The following REEP2 variants were observed in gnomAD, a reference collection of about 807,000 sequenced individuals.
The protein encoded by REEP2 is receptor accessory protein 2.
In REEP2, 9 loss-of-function variants were observed where a neutral mutation model predicts 32.1. That is an observed-to-expected ratio of 0.28 (90% confidence interval 0.17 to 0.49). The LOEUF is 0.49. Among genes scored for constraint, REEP2 ranks in the 20% least tolerant of loss-of-function variants. REEP2 has a pLI of 0.99. For missense variants in REEP2, 236 were observed against 338.0 expected (o/e 0.70, Z 2.37); for synonymous variants, 128 against 139.1 (o/e 0.92, Z 0.56).
chr5:138,439,721 C>T (rs1448103419), intron 1 of REEP2: 1 of 456,900 alleles, frequency 2.2e-6, no homozygotes, highest in Admixed American at 2.3e-5. Context: ...CTCTCCCTTC[C>T]ACTCACTGTC....
At chr5:138,440,942 G>A (rs1763812122) in intron 1 of REEP2, 74 bp from the exon 2 acceptor site, 1 of 1,602,050 alleles carries the variant, frequency 6.2e-7, no homozygotes, top group Non-Finnish European at 8.5e-7. Flanking sequence ...CTTACCCAGG[G>A]GCTGATGCGG....
chr5:138,446,741 G>C lies in REEP2; in HGVS notation c.*990G>C, dbSNP rs1763942338. The C allele has an allele frequency of 6.6e-6, 1 of 152,626 alleles. No homozygotes were observed. The highest frequency in any genetic ancestry group is 2.4e-5 in the African/African-American group (1 of 41,444). 9.5% of individuals were successfully genotyped at this position (152,626 alleles called of 1,614,324 possible). ...CTGGGGTCCATCCCCTCTTGCCCAGGGTCCCCATCCTGTACCAAGCAGACT... is the reference window on the plus strand; with the variant it reads ...CTGGGGTCCATCCCCTCTTGCCCAGCGTCCCCATCCTGTACCAAGCAGACT... On this transcript the variant is annotated 3_prime_UTR_variant, in exon 8 of 8. Transcript: ENST00000378339.
chr5:138,439,461 CTTTA>C (rs1043824662), intron 1 of REEP2, among the ~76,000 whole-genome samples: 5 of 152,164 alleles, frequency 3.3e-5, no homozygotes, highest in African/African-American at 1.2e-4. Context: ...CACCCACATT[CTTTA>C]TTAATAACCT....
Position 138,441,488 on chromosome 5 carries a change from C to T in REEP2, c.182+27C>T. 2 of 1,600,660 alleles carry T rather than the reference C, an allele frequency of 1.2e-6. No homozygotes were observed. Among genetic ancestry groups the T allele is most frequent in the Non-Finnish European group, 1.7e-6 (2 of 1,167,720 alleles). On this transcript the variant is annotated intron_variant, in intron 3 of 7. Transcript: ENST00000378339. The surrounding 1 kb of genome is among the most constrained non-coding windows in gnomAD (Gnocchi z 4.4). The stretch of plus-strand genomic sequence containing the variant: ...TGAGGTCCAGCGTCCCCTCCTGTAT[C>T]TCAGGGCCCAGGGCCTCTGCCTTTC...
Position 138,445,714 on chromosome 5 carries a change from C to T in REEP2, c.728C>T (p.Pro243Leu). 1 of 1,614,120 alleles carries T rather than the reference C, an allele frequency of 6.2e-7. No homozygotes were observed. The highest frequency in any genetic ancestry group is 8.5e-7 in the Non-Finnish European group (1 of 1,180,018). ...GCTTCCAAGACACTGAAGACCCGGC[C>T]CAAGAAGAAGACCTCTGGCGGGGGC... ...PLASKTLKTR[P>L]KKKTSGGGDS... Residue 243 changes from proline to leucine, a missense_variant, in exon 8 of 8, where the codon CCC becomes CTC. Transcript: ENST00000378339.
Position 138,444,762 on chromosome 5 carries a change from C to G in REEP2, c.312C>G (p.Asp104Glu), listed in dbSNP as rs141749729. Residue 104 changes from aspartate (D) to glutamate (E), a missense_variant, in exon 5 of 8, where the codon GAC becomes GAG. Asp to Glu is a conservative substitution (Grantham distance 45, BLOSUM62 2). Coordinates refer to ENST00000378339, the MANE Select transcript of REEP2 (RefSeq NM_001271803.2). ...PTLSNKEKEI[D>E]EYITQARDKS... ...CCCCTCCAATCCCATAGGAGATCGA[C>G]GAGTACATCACGCAGGCCCGAGACA... 1.9e-6 allele frequency: 3 copies of G among 1,613,822 alleles called. No individual in the cohort carries two copies. The highest frequency in any genetic ancestry group is 2.5e-6 in the Non-Finnish European group (3 of 1,179,752).
rs1362070734 is a variant in REEP2 at position 138,444,069 on chromosome 5, T to G, written c.183-346T>G. Among the ~76,000 whole-genome samples, 9 of 151,944 alleles carry G rather than the reference T, an allele frequency of 5.9e-5. 1 individual carries two copies. The highest frequency in any genetic ancestry group is 3.9e-4 in the Admixed American group (6 of 15,248). Reference sequence around the variant, plus strand: ...AAGGGAAGGAGTGAAGACCCAGGTGTAGGCCTGCACAGTCAAGAGTTTCCC... The same window carrying G: ...AAGGGAAGGAGTGAAGACCCAGGTGGAGGCCTGCACAGTCAAGAGTTTCCC... On this transcript the variant is annotated intron_variant, in intron 3 of 7. Coordinates refer to ENST00000378339, the MANE Select transcript of REEP2 (RefSeq NM_001271803.2).
intron 6 of REEP2, 32 bp downstream of exon 6, chr5:138,445,407 C>T: frequency 6.2e-7 from 1 of 1,612,580 alleles, no homozygotes; most frequent in Non-Finnish European, 8.5e-7. Context: ...GGGGTGGGGC[C>T]CCAAGGGCAA....
chr5:138,439,780 G>T, intron 1 of REEP2: 1 of 455,986 alleles, frequency 2.2e-6, no homozygotes, highest in South Asian at 1.5e-5. Context: ...TAGGGAGGAA[G>T]TCTGGGTATC....
In REEP2 at chr5:138,439,392, C is replaced by T. The variant is rs1859466; in HGVS notation, c.32+152C>T. ...CCCCCAGAGACATGGAGATGTGGCA[C>T]CCAGGACTGGAGGGGGGAATATTAG... On this transcript the variant is annotated intron_variant, in intron 1 of 7. Transcript: ENST00000378339. The T allele has an allele frequency of 0.21, 151,836 of 729,952 alleles. 19,119 individuals carry two copies. Among genetic ancestry groups the T allele is most frequent in the East Asian group, 0.51 (17,885 of 34,878 alleles). The allele number at this position is 729,952 out of a possible 1,614,324, so 45.2% of individuals were successfully genotyped here.
At chr5:138,440,496 C>T (rs1246924318) in intron 1 of REEP2, among the ~76,000 whole-genome samples, 1 of 152,206 alleles carries the variant, frequency 6.6e-6, no homozygotes, top group East Asian at 1.9e-4. Context: ...CTCTTTGCCT[C>T]TCTCAGGGCC....
At position 138,446,751 on chromosome 5, in the gene REEP2, C is replaced by G. The variant is rs1763942716; in HGVS notation, c.*1000C>G. ...TCCCCTCTTGCCCAGGGTCCCCATC[C>G]TGTACCAAGCAGACTGGGCCCTAAG... On this transcript the variant is annotated 3_prime_UTR_variant, in exon 8 of 8. Coordinates refer to ENST00000378339, the MANE Select transcript of REEP2 (RefSeq NM_001271803.2). The G allele has an allele frequency of 6.6e-6, 1 of 152,532 alleles. No individual in the cohort carries two copies. The highest frequency in any genetic ancestry group is 6.5e-5 in the Admixed American group (1 of 15,282). The allele number at this position is 152,532 out of a possible 1,614,324, so 9.4% of individuals were successfully genotyped here.
rs1297132408 is a variant in REEP2, at chr5:138,441,214, A to T, written c.105+126A>T. 3.6e-6 allele frequency: 5 copies of T among 1,393,470 alleles called. No homozygotes were observed. In the South Asian group the frequency reaches 6.0e-5, roughly 17 times the overall value. 86.3% of individuals were successfully genotyped at this position (1,393,470 alleles called of 1,614,324 possible). A position where few individuals can be genotyped will look rare whatever the true frequency, so the allele number is the denominator to read the frequency against. On this transcript the variant is annotated intron_variant, in intron 2 of 7. Transcript: ENST00000378339. The surrounding 1 kb of genome is among the most constrained non-coding windows in gnomAD (Gnocchi z 4.4). ...TCAGCCACTAACAAGACCCACCAGC[A>T]AAGGAGGGCCCTGGGTGTCCCACAC... is the stretch of plus-strand genomic sequence containing the variant.
intron 3 of REEP2, among the ~76,000 whole-genome samples, chr5:138,442,649 A>G (rs34747207): frequency 0.25 from 38,084 of 151,766 alleles, 5,350 homozygotes; most frequent in East Asian, 0.56. Context: ...AAGTCAGGAG[A>G]TGGAGAGCAT....
Position 138,445,963 on chromosome 5 carries a change from G to C in REEP2, c.*212G>C. On this transcript the variant is annotated 3_prime_UTR_variant, in exon 8 of 8. Transcript: ENST00000378339. ...CAGCTGTGGGGGTTGAGGGTAGAGG[G>C]TGGACCAGAGGCTGAGGACTGAGCC... is the stretch of plus-strand genomic sequence containing the variant. 2 of 596,566 alleles carry C rather than the reference G, an allele frequency of 3.4e-6. No homozygotes were observed. The highest frequency in any genetic ancestry group is 5.9e-6 in the Non-Finnish European group (2 of 338,540). 37.0% of individuals were successfully genotyped at this position (596,566 alleles called of 1,614,324 possible).
intron 1 of REEP2, among the ~76,000 whole-genome samples, chr5:138,440,038 G>A (rs1691856324): frequency 6.6e-6 from 1 of 152,180 alleles, no homozygotes; most frequent in African/African-American, 2.4e-5. Context: ...GCACCAGCCG[G>A]TTTGGAAGTA....
chr5:138,444,970 T>A, intron 5 of REEP2, 103 bp downstream of exon 5: 1 of 872,570 alleles, frequency 1.1e-6, no homozygotes, highest in Non-Finnish European at 1.7e-6. Context: ...GTAGAGACTC[T>A]GGGCTCATGC....
Position 138,441,507 on chromosome 5 carries a change from G to A in REEP2, c.182+46G>A. 1.3e-6 allele frequency: 2 copies of A among 1,538,656 alleles called. No homozygotes were observed. The highest frequency in any genetic ancestry group is 1.8e-6 in the Non-Finnish European group (2 of 1,111,548). On this transcript the variant is annotated intron_variant, in intron 3 of 7. Coordinates refer to ENST00000378339, the MANE Select transcript of REEP2 (RefSeq NM_001271803.2). This position sits in a 1 kb window ranked among gnomAD's most constrained non-coding sequence, Gnocchi z 4.4. ...CTGTATCTCAGGGCCCAGGGCCTCT[G>A]CCTTTCTCTACCCAGCCAGCCAAAC...
chr5:138,445,403 G>A lies in REEP2; in HGVS notation c.565+28G>A, dbSNP rs368863096. 3.1e-6 allele frequency: 5 copies of A among 1,612,238 alleles called. No individual in the cohort carries two copies. In the African/African-American group the frequency reaches 5.3e-5, roughly 17 times the overall value. ...ACAGGCAGGGCCCGGGGTTGGGGTGGGGCCCCAAGGGCAAGGAGTCCAGAT... is the reference window on the plus strand; with the variant it reads ...ACAGGCAGGGCCCGGGGTTGGGGTGAGGCCCCAAGGGCAAGGAGTCCAGAT... On this transcript the variant is annotated intron_variant, in intron 6 of 7. Transcript: ENST00000378339.
Sources: gnomAD v4.1 joint callset for allele counts (sites outside exome capture counted in the v4.1 genomes callset) on GRCh38, gnomAD v4.1.1 for gene constraint, Gnocchi (gnomAD v3.1) non-coding constraint, MANE v1.5 for transcripts, NCBI Gene and HGNC (gene_info 2026-07-23, HGNC 2026-07-21) for gene names.